Variants in MTHFD1 observed in about 807,000 individuals in gnomAD.
MTHFD1 encodes the protein methylenetetrahydrofolate dehydrogenase, cyclohydrolase and formyltetrahydrofolate synthetase 1.
In MTHFD1, 44 loss-of-function variants were observed where a neutral mutation model predicts 110.3. The ratio of observed to expected loss-of-function variants is 0.40; its 90% CI spans 0.31 to 0.51. The LOEUF is 0.51. Among genes scored for constraint, MTHFD1 ranks in the 20% least tolerant of loss-of-function variants. MTHFD1 has a pLI of 0.60. For synonymous variants in MTHFD1, 402 were observed against 428.8 expected (o/e 0.94, Z 0.77); for missense variants, 909 against 1,173.1 (o/e 0.77, Z 3.29).
intron 2 of MTHFD1, among the ~76,000 whole-genome samples, chr14:64,408,282 A>C (rs1596535783): frequency 8.6e-6 from 1 of 116,650 alleles, no homozygotes. Flanking sequence ...AGAAATCAGC[A>C]TTCTTTTTTT....
At position 64,441,610 on chromosome 14, in the gene MTHFD1, T is replaced by G. The variant is rs183617712; in HGVS notation, c.1884+157T>G. 7.5e-3 allele frequency: 5,066 copies of G among 676,496 alleles called. 26 individuals carry two copies. Among genetic ancestry groups the G allele is most frequent in the Non-Finnish European group, 9.9e-3 (3,697 of 374,082 alleles). 41.9% of individuals were successfully genotyped at this position (676,496 alleles called of 1,614,324 possible). A position where few individuals can be genotyped will look rare whatever the true frequency, so the allele number is the denominator to read the frequency against. ...TCACAAGGTCAGGAGATCGAGACCA[T>G]CCTGGCTAACATGGTGAAACCCCGT... On this transcript the variant is annotated intron_variant, in intron 19 of 27. Transcript: ENST00000652337.
chr14:64,414,229 C>T (rs1210968474), intron 4 of MTHFD1, among the ~76,000 whole-genome samples: 2 of 151,644 alleles, frequency 1.3e-5, no homozygotes, highest in African/African-American at 4.9e-5. Context: ...GTGATCTGCC[C>T]ACTCAAGCCT....
chr14:64,412,598 T>C, intron 4 of MTHFD1, 73 bp downstream of exon 4: 1 of 1,152,884 alleles, frequency 8.7e-7, no homozygotes, highest in Non-Finnish European at 1.3e-6. Context: ...TTACGGGGGC[T>C]TTGGGGACTG....
In MTHFD1 at chr14:64,447,912, A is replaced by G. The variant is rs2236223; in HGVS notation, c.2179-305A>G. The G allele has an allele frequency of 8.5e-4, 347 of 408,000 alleles. 6 individuals are homozygous for G. In the East Asian group the frequency reaches 0.018, roughly 21 times the overall value. The allele number at this position is 408,000 out of a possible 1,614,324, so 25.3% of individuals were successfully genotyped here. ...TAAGGGTAACTAATTCCTTTCAAACAGCAAATAAGCTATAATGATGTGGCA... is the reference window on the plus strand; with the variant it reads ...TAAGGGTAACTAATTCCTTTCAAACGGCAAATAAGCTATAATGATGTGGCA... On this transcript the variant is annotated intron_variant, in intron 22 of 27. Transcript: ENST00000652337.
At chr14:64,400,034 C>T (rs1566554563) in intron 1 of MTHFD1, among the ~76,000 whole-genome samples, 1 of 152,210 alleles carries the variant, frequency 6.6e-6, no homozygotes, top group Non-Finnish European at 1.5e-5. Context: ...CTTAGGTTCC[C>T]AAAGTACTGA....
intron 1 of MTHFD1, among the ~76,000 whole-genome samples, chr14:64,392,661 T>A (rs927995877): frequency 1.3e-5 from 2 of 152,204 alleles, no homozygotes; most frequent in African/African-American, 4.8e-5. Flanking sequence ...CCTCTGTGCA[T>A]CACTGGGTCA....
chr14:64,406,475 C>G (rs972036617), intron 2 of MTHFD1, among the ~76,000 whole-genome samples: 1 of 147,222 alleles, frequency 6.8e-6, no homozygotes, highest in African/African-American at 2.5e-5. Flanking sequence ...GATTTTGGAG[C>G]ATTTTTTATT....
Position 64,400,893 on chromosome 14 carries a change from A to T in MTHFD1, c.126+16A>T. 6.5e-7 allele frequency: 1 copy of T among 1,537,378 alleles called. No individual in the cohort carries two copies. The highest frequency in any genetic ancestry group is 1.1e-5 in the South Asian group (1 of 88,550). On this transcript the variant is annotated intron_variant, in intron 2 of 27. Transcript: ENST00000652337. ...AATATTACAGGTATTATGATAGTGTATTTTCATTAATGTTGTCTTTGCTTG... is the reference window on the plus strand; with the variant it reads ...AATATTACAGGTATTATGATAGTGTTTTTTCATTAATGTTGTCTTTGCTTG...
At position 64,459,929 on chromosome 14, in the gene MTHFD1, T is replaced by G; in HGVS notation, c.*175T>G. 2 of 1,534,306 alleles carry G rather than the reference T, an allele frequency of 1.3e-6. No homozygotes were observed. The highest frequency in any genetic ancestry group is 1.7e-6 in the Non-Finnish European group (2 of 1,145,370). On this transcript the variant is annotated 3_prime_UTR_variant, in exon 28 of 28. Coordinates refer to ENST00000652337, the MANE Select transcript of MTHFD1 (RefSeq NM_005956.4). ...TCATTTTCAGCCTTAATTCTCATCA[T>G]GTATAAATTAACATAAATCATGCAT...
intron 2 of MTHFD1, among the ~76,000 whole-genome samples, chr14:64,402,623 C>CA (rs1340143673): frequency 4.6e-5 from 7 of 151,944 alleles, no homozygotes; most frequent in Admixed American, 4.6e-4. Context: ...GCAGCCTGGA[C>CA]AACAAAGTGA....
intron 2 of MTHFD1, among the ~76,000 whole-genome samples, chr14:64,403,794 G>A (rs1197500822): frequency 2.6e-5 from 4 of 152,014 alleles, no homozygotes; most frequent in South Asian, 2.1e-4. Flanking sequence ...TGATCCTCCC[G>A]CCTTGGCCTC....
chr14:64,445,863 A>T (rs189237115), intron 22 of MTHFD1, among the ~76,000 whole-genome samples: 162 of 152,326 alleles, frequency 1.1e-3, no homozygotes, highest in African/African-American at 3.8e-3. Context: ...ATTGGTTTTC[A>T]TGTGACTAGA....
At chr14:64,446,041 T>G (rs889866846) in intron 22 of MTHFD1, among the ~76,000 whole-genome samples, 1 of 152,216 alleles carries the variant, frequency 6.6e-6, no homozygotes, top group Non-Finnish European at 1.5e-5. Flanking sequence ...AGTGCTGGGT[T>G]TTGCTCGATG....
At chr14:64,448,760 T>C (rs971154922) in intron 23 of MTHFD1, among the ~76,000 whole-genome samples, 1 of 152,088 alleles carries the variant, frequency 6.6e-6, no homozygotes, top group African/African-American at 2.4e-5. Flanking sequence ...GTCAGGGTTT[T>C]GTTATAATGG....
At chr14:64,430,869 CAT>C (rs2078152968) in intron 13 of MTHFD1, among the ~76,000 whole-genome samples, 1 of 152,106 alleles carries the variant, frequency 6.6e-6, no homozygotes. Flanking sequence ...ATTACATAGA[CAT>C]AGAGTCGGTG....
intron 6 of MTHFD1, 61 bp downstream of exon 6, chr14:64,415,800 T>G (rs2078021511): frequency 3.9e-6 from 6 of 1,529,298 alleles, no homozygotes; most frequent in African/African-American, 1.4e-5. Flanking sequence ...TCTTGACATG[T>G]GGTGGCATAG....
intron 2 of MTHFD1, 43 bp from the exon 3 acceptor site, chr14:64,411,047 G>A (rs1566558876): frequency 1.5e-6 from 2 of 1,334,214 alleles, no homozygotes; most frequent in South Asian, 1.2e-5. Context: ...TGTGCACTTT[G>A]CCTTTCCCTA....
Position 64,419,847 on chromosome 14 carries a change from G to T in MTHFD1, c.649G>T (p.Gly217Cys). Residue 217 changes from glycine to cysteine, a missense_variant, in exon 8 of 28, where the codon GGT becomes TGT. Physicochemically the swap from Gly to Cys is radical, Grantham distance 159. Coordinates refer to ENST00000652337, the MANE Select transcript of MTHFD1 (RefSeq NM_005956.4). Reference sequence around the variant, plus strand: ...AGGTGACATCCTGGTGGTTGCAACTGGTCAGCCTGAAATGGTTAAAGGGGA... The same window carrying T: ...AGGTGACATCCTGGTGGTTGCAACTTGTCAGCCTGAAATGGTTAAAGGGGA... ...NKGDILVVAT[G>C]QPEMVKGEWI... 2 of 1,614,064 alleles carry T rather than the reference G, an allele frequency of 1.2e-6. No homozygotes were observed. Among genetic ancestry groups the T allele is most frequent in the South Asian group, 2.2e-5 (2 of 91,078 alleles).
chr14:64,444,773 A>T (rs2078277539), intron 22 of MTHFD1, 39 bp downstream of exon 22: 2 of 1,605,650 alleles, frequency 1.2e-6, no homozygotes, highest in African/African-American at 2.7e-5. Flanking sequence ...CCTAGAAAGC[A>T]CCACACCTTG....
Sources: gnomAD v4.1 joint callset for allele counts (sites outside exome capture counted in the v4.1 genomes callset) on GRCh38, gnomAD v4.1.1 for gene constraint, MANE v1.5 for transcripts, NCBI Gene and HGNC (gene_info 2026-07-23, HGNC 2026-07-21) for gene names.